The following TOX variants were observed in gnomAD, a reference collection of about 807,000 sequenced individuals.
TOX encodes the protein thymocyte selection-associated high mobility group box protein TOX.
In TOX, 11 loss-of-function variants were observed where a neutral mutation model predicts 53.7. The ratio of observed to expected loss-of-function variants is 0.20; its 90% CI spans 0.13 to 0.34. TOX has a LOEUF of 0.34. Among genes scored for constraint, TOX ranks in the 10% least tolerant of loss-of-function variants. The pLI, the probability that TOX is intolerant of heterozygous loss-of-function variation, is 1.00. For missense variants in TOX, 570 were observed against 664.6 expected, an observed-to-expected ratio of 0.86 and a Z score of 1.56; for synonymous variants, 225 against 245.3, an observed-to-expected ratio of 0.92 and a Z score of 0.77.
chr8:58,997,673 A>G (rs1044529840), intron 1 of TOX, among the ~76,000 whole-genome samples: 2 of 152,248 alleles, frequency 1.3e-5, no homozygotes, highest in African/African-American at 4.8e-5. Context: ...GTCACAGCCA[A>G]TGGATAATGA....
chr8:58,858,980 A>C (rs1175986720), intron 3 of TOX, among the ~76,000 whole-genome samples: 13 of 152,228 alleles, frequency 8.5e-5, no homozygotes, highest in Admixed American at 4.6e-4. Flanking sequence ...TTCAATTAAT[A>C]TGTAAATGTA....
chr8:59,082,310 G>A (rs1370872974), intron 1 of TOX, among the ~76,000 whole-genome samples: 2 of 152,192 alleles, frequency 1.3e-5, no homozygotes, highest in Non-Finnish European at 2.9e-5. Flanking sequence ...ATTCTTCAAT[G>A]GGTCAGTCTG....
chr8:59,100,352 C>A (rs2129424336), intron 1 of TOX, among the ~76,000 whole-genome samples: 1 of 152,240 alleles, frequency 6.6e-6, no homozygotes, highest in East Asian at 1.9e-4. Flanking sequence ...GAGAGAGGTG[C>A]TTTCTATTTG....
At chr8:58,943,536 T>C (rs971682709) in intron 2 of TOX, among the ~76,000 whole-genome samples, 2 of 151,488 alleles carry the variant, frequency 1.3e-5, no homozygotes, top group Non-Finnish European at 2.9e-5. Flanking sequence ...CCAACTCTCT[T>C]GGGAACAAAG....
At chr8:58,976,291 T>G (rs1375023259) in intron 1 of TOX, among the ~76,000 whole-genome samples, 1 of 152,262 alleles carries the variant, frequency 6.6e-6, no homozygotes, top group Non-Finnish European at 1.5e-5. Flanking sequence ...TTTTCACCAA[T>G]GGTGATTCTA....
intron 5 of TOX, among the ~76,000 whole-genome samples, chr8:58,831,933 C>T (rs1482669197): frequency 6.6e-6 from 1 of 152,018 alleles, no homozygotes; most frequent in Non-Finnish European, 1.5e-5. Flanking sequence ...TAAAGCACAA[C>T]AGACTTGAAG....
intron 1 of TOX, among the ~76,000 whole-genome samples, chr8:59,034,370 G>T (rs192415192): frequency 1.6e-3 from 242 of 152,288 alleles, no homozygotes; most frequent in African/African-American, 5.5e-3. Flanking sequence ...GTGAGGTTAG[G>T]CATCTACTCC....
At chr8:59,065,104 C>T (rs1350772091) in intron 1 of TOX, among the ~76,000 whole-genome samples, 3 of 152,168 alleles carry the variant, frequency 2.0e-5, no homozygotes, top group African/African-American at 7.2e-5. Context: ...GGAAATGAGA[C>T]AGCAAATAGT....
chr8:59,100,925 T>C lies in TOX; in HGVS notation c.102+17961A>G, dbSNP rs111576105. Among the ~76,000 whole-genome samples, 5 of 152,338 alleles carry C rather than the reference T, an allele frequency of 3.3e-5. 1 individual carries two copies. Among genetic ancestry groups the C allele is most frequent in the African/African-American group, 1.2e-4 (5 of 41,584 alleles). On this transcript the variant is annotated intron_variant, in intron 1 of 8. Transcript: ENST00000361421. ...AATATTTGCACGATTAGAATTTCAATTTTTAAAAATTCATTCCTTTAGCTA... is the reference window on the plus strand; with the variant it reads ...AATATTTGCACGATTAGAATTTCAACTTTTAAAAATTCATTCCTTTAGCTA...
chr8:59,047,153 C>G (rs1563429065), intron 1 of TOX, among the ~76,000 whole-genome samples: 1 of 142,214 alleles, frequency 7.0e-6, no homozygotes, highest in Non-Finnish European at 1.5e-5. Context: ...ACTGTGCAAA[C>G]TAATTACATG....
intron 3 of TOX, among the ~76,000 whole-genome samples, chr8:58,874,145 T>C (rs1488584098): frequency 1.3e-5 from 2 of 151,652 alleles, no homozygotes; most frequent in African/African-American, 2.4e-5. Flanking sequence ...TGGTATCCTT[T>C]CTATCAGGTT....
chr8:59,061,963 T>C (rs1408013602), intron 1 of TOX, among the ~76,000 whole-genome samples: 1 of 152,188 alleles, frequency 6.6e-6, no homozygotes, highest in Non-Finnish European at 1.5e-5. Flanking sequence ...CATTGAGATT[T>C]TACAAGCTCA....
chr8:58,865,419 G>A (rs898284888), intron 3 of TOX, among the ~76,000 whole-genome samples: 9 of 151,612 alleles, frequency 5.9e-5, no homozygotes, highest in Non-Finnish European at 1.2e-4. Context: ...TGGTATCCTC[G>A]TACTTTTTTT....
chr8:59,053,065 C>G (rs1469742133), intron 1 of TOX, among the ~76,000 whole-genome samples: 2 of 152,052 alleles, frequency 1.3e-5, no homozygotes, highest in African/African-American at 4.8e-5. Context: ...TGAGGATGCC[C>G]TTGACATTTC....
rs190341616 is a variant in TOX at position 59,038,977 on chromosome 8, C to T, written c.103-78969G>A. On this transcript the variant is annotated intron_variant, in intron 1 of 8. Coordinates refer to ENST00000361421, the MANE Select transcript of TOX (RefSeq NM_014729.3). ...TGCCAGTAATTCTTAGACAGCTCCA[C>T]ACCAGCTTTGGCCTCAGGCAAAGGC... 3.7e-3 allele frequency among the ~76,000 whole-genome samples: 568 copies of T among 152,374 alleles called. 4 individuals carry two copies. The highest frequency in any genetic ancestry group is 5.7e-3 in the Non-Finnish European group (391 of 68,038).
chr8:58,817,586 G>T (rs1810202486), intron 6 of TOX, among the ~76,000 whole-genome samples: 1 of 152,184 alleles, frequency 6.6e-6, no homozygotes, highest in African/African-American at 2.4e-5. Flanking sequence ...GTATATGCCA[G>T]AAAGATTATG....
At chr8:58,927,870 C>G (rs537617039) in intron 3 of TOX, among the ~76,000 whole-genome samples, 1 of 152,132 alleles carries the variant, frequency 6.6e-6, no homozygotes, top group Admixed American at 6.5e-5. Flanking sequence ...CACTTCCCCA[C>G]GGTCACATGT....
chr8:59,079,369 C>T (rs1280387205), intron 1 of TOX, among the ~76,000 whole-genome samples: 1 of 152,176 alleles, frequency 6.6e-6, no homozygotes, highest in Admixed American at 6.5e-5. Context: ...CCTCCCATCA[C>T]AGGCCCAGAA....
intron 3 of TOX, among the ~76,000 whole-genome samples, chr8:58,860,571 C>A (rs16924112): frequency 6.6e-6 from 1 of 152,210 alleles, no homozygotes; most frequent in Admixed American, 6.5e-5. Context: ...TGGTTCTCTT[C>A]GGTTATTATC....
Sources: gnomAD v4.1 joint callset for allele counts (sites outside exome capture counted in the v4.1 genomes callset) on GRCh38, gnomAD v4.1.1 for gene constraint, MANE v1.5 for transcripts, NCBI Gene and HGNC (gene_info 2026-07-23, HGNC 2026-07-21) for gene names.